The following OSBP2 variants were observed in gnomAD, a reference collection of about 807,000 sequenced individuals.
OSBP2 encodes oxysterol-binding protein 2.
A neutral mutation model predicts 96.0 loss-of-function variants in OSBP2; 66 were observed. That is an observed-to-expected ratio of 0.69 (90% CI 0.56 to 0.84). The LOEUF (loss-of-function observed/expected upper bound fraction) is 0.84, where lower values mean the gene tolerates loss of function less well. Among genes scored for constraint, OSBP2 ranks in the 40% least tolerant of loss-of-function variants. The probability of loss-of-function intolerance (pLI) is 0.00; values close to 1 mark genes in which losing one functional copy is unlikely to be tolerated. For synonymous variants in OSBP2, 525 were observed against 520.9 expected (o/e 1.01, Z -0.11); for missense variants, 1,038 against 1,222.7 (o/e 0.85, Z 2.25).
chr22:30,818,814 GA>G, intron 2 of OSBP2, among the ~76,000 whole-genome samples: 1 of 152,322 alleles, frequency 6.6e-6, no homozygotes, highest in Non-Finnish European at 1.5e-5. Context: ...GCGTGACAAG[GA>G]AAGTGGTAAC....
chr22:30,769,576 G>A (rs1449753547), intron 2 of OSBP2, among the ~76,000 whole-genome samples: 1 of 152,182 alleles, frequency 6.6e-6, no homozygotes, highest in Non-Finnish European at 1.5e-5. Context: ...TTGAACCTGG[G>A]AGGCAGAGGT....
intron 1 of OSBP2, among the ~76,000 whole-genome samples, chr22:30,737,563 A>G (rs2089874788): frequency 6.6e-6 from 1 of 151,778 alleles, no homozygotes; most frequent in African/African-American, 2.4e-5. Context: ...TCCTGGCCTC[A>G]AGTGATCCTC....
chr22:30,742,624 G>A (rs1291742676), intron 2 of OSBP2, among the ~76,000 whole-genome samples: 1 of 151,998 alleles, frequency 6.6e-6, no homozygotes, highest in Non-Finnish European at 1.5e-5. Flanking sequence ...TTTCCATTTA[G>A]CAATATGTCT....
intron 1 of OSBP2, among the ~76,000 whole-genome samples, chr22:30,709,565 G>A (rs781680009): frequency 2.6e-5 from 4 of 151,834 alleles, no homozygotes; most frequent in Non-Finnish European, 4.4e-5. Flanking sequence ...CTCCAGGCTG[G>A]AGTGCAGTGG....
chr22:30,693,988 G>GAA, upstream of OSBP2: 2 of 1,312,732 alleles, frequency 1.5e-6, no homozygotes, highest in Non-Finnish European at 2.1e-6. Context: ...AAAAAAAGCG[G>GAA]AAAAAAAAAT....
At chr22:30,795,679 C>G (rs1252332300) in intron 2 of OSBP2, among the ~76,000 whole-genome samples, 1 of 152,098 alleles carries the variant, frequency 6.6e-6, no homozygotes, top group African/African-American at 2.4e-5. Context: ...GCCACCACGC[C>G]CAGCTAATTT....
At chr22:30,893,306 G>A in intron 9 of OSBP2, 64 bp downstream of exon 9, 1 of 1,609,422 alleles carries the variant, frequency 6.2e-7, no homozygotes, top group Non-Finnish European at 8.5e-7. Flanking sequence ...GAGGATTCTG[G>A]TGATGCAAAA....
At chr22:30,882,955 T>TA (rs2147138282) in intron 3 of OSBP2, among the ~76,000 whole-genome samples, 1 of 152,346 alleles carries the variant, frequency 6.6e-6, no homozygotes, top group East Asian at 1.9e-4. Context: ...TGGGAATTCT[T>TA]ACCATGACCT....
chr22:30,757,650 T>G (rs1462544999), intron 2 of OSBP2, among the ~76,000 whole-genome samples: 1 of 152,070 alleles, frequency 6.6e-6, no homozygotes, highest in African/African-American at 2.4e-5. Context: ...ACTCCTGACC[T>G]CAAGTGGTCT....
intron 2 of OSBP2, among the ~76,000 whole-genome samples, chr22:30,861,774 T>A (rs1262120466): frequency 1.3e-5 from 2 of 152,154 alleles, no homozygotes; most frequent in African/African-American, 4.8e-5. Context: ...GGTTCCCCAA[T>A]CAGGAAGGAC....
At chr22:30,751,703 C>G (rs2090075848) in intron 2 of OSBP2, among the ~76,000 whole-genome samples, 1 of 152,168 alleles carries the variant, frequency 6.6e-6, no homozygotes, top group African/African-American at 2.4e-5. Flanking sequence ...ACACCCAGCA[C>G]TCATAAATCA....
At chr22:30,843,578 A>G (rs2038803416) in intron 2 of OSBP2, among the ~76,000 whole-genome samples, 1 of 152,130 alleles carries the variant, frequency 6.6e-6, no homozygotes, top group Admixed American at 6.6e-5. Context: ...ATTTAGAATA[A>G]TTCAGCCAGG....
intron 2 of OSBP2, among the ~76,000 whole-genome samples, chr22:30,763,055 C>T (rs136339): frequency 0.59 from 89,469 of 152,054 alleles, 26,482 homozygotes; most frequent in Non-Finnish European, 0.63. Flanking sequence ...AGTTGCTTGC[C>T]GTCTTTTGCA....
At position 30,893,972 on chromosome 22, in the gene OSBP2, C is replaced by G; in HGVS notation, c.2346C>G (p.Ala782=). 6.3e-7 allele frequency: 1 copy of G among 1,599,138 alleles called. No homozygotes were observed. The highest frequency in any genetic ancestry group is 8.5e-7 in the Non-Finnish European group (1 of 1,173,350). ...KQKTVYQTLS[A]KLLWKKYPLP... The stretch of plus-strand genomic sequence containing the variant: ...AGACAGTGTACCAGACCCTGTCAGC[C>G]AAGCTGCTGTGGAAGAAGTACCCGC... Residue 782 remains alanine (A), a synonymous_variant, in exon 12 of 14, where the codon GCC becomes GCG. Coordinates refer to ENST00000332585, the MANE Select transcript of OSBP2 (RefSeq NM_030758.4).
chr22:30,839,730 T>A (rs1366024101), intron 2 of OSBP2, among the ~76,000 whole-genome samples: 3 of 151,904 alleles, frequency 2.0e-5, no homozygotes, highest in Non-Finnish European at 2.9e-5. Context: ...TCATTGTAGA[T>A]TCTGGATATT....
intron 2 of OSBP2, among the ~76,000 whole-genome samples, chr22:30,794,683 A>G (rs972482541): frequency 1.3e-5 from 2 of 151,082 alleles, no homozygotes; most frequent in Non-Finnish European, 2.9e-5. Context: ...ACAGTTAAAT[A>G]TCTTCCAGGA....
intron 2 of OSBP2, among the ~76,000 whole-genome samples, chr22:30,745,521 GC>G (rs1250031872): frequency 1.3e-5 from 2 of 152,042 alleles, no homozygotes; most frequent in East Asian, 3.8e-4. Context: ...AATTAAATTA[GC>G]CAGATGTGGT....
rs111501980 is a variant in OSBP2 at position 30,695,278 on chromosome 22, A to G, written c.369A>G (p.Ala123=). The part of the protein sequence containing the change: ...GVGAGPFTKA[A]SEPLSRAVGS... ...GGGCTGGGCCCTTCACTAAGGCCGCATCGGAGCCGCTCTCCCGGGCGGTGG... is the reference window on the plus strand; with the variant it reads ...GGGCTGGGCCCTTCACTAAGGCCGCGTCGGAGCCGCTCTCCCGGGCGGTGG... The change falls in exon 1 of 14, where the codon GCA becomes GCG. Residue 123 remains alanine, a synonymous_variant. Coordinates refer to ENST00000332585, the MANE Select transcript of OSBP2 (RefSeq NM_030758.4). 399 of 1,613,424 alleles carry G rather than the reference A, an allele frequency of 2.5e-4. 1 individual carries two copies. The African/African-American group carries it at 4.3e-3, about 17-fold the overall frequency.
Position 30,842,889 on chromosome 22 carries a change from C to G in OSBP2, c.854-27540C>G, listed in dbSNP as rs2038783561. On this transcript the variant is annotated intron_variant, in intron 2 of 13. Transcript: ENST00000332585. The stretch of plus-strand genomic sequence containing the variant: ...CCATCTCCTGGGTTCAAGCGATTCT[C>G]CTGCCTCAGCTTCCTGAGCAGCTGG... Among the ~76,000 whole-genome samples the G allele has an allele frequency of 4.6e-5, 7 of 152,152 alleles. No homozygotes were observed. The South Asian group carries it at 1.4e-3, about 32-fold the overall frequency.
Sources: allele counts gnomAD v4.1 joint callset (sites outside exome capture counted in the v4.1 genomes callset), GRCh38; gene constraint gnomAD v4.1.1; transcripts MANE v1.5; gene names NCBI Gene and HGNC (gene_info 2026-07-23, HGNC 2026-07-21).